The following SAP130 variants were observed in gnomAD, a reference collection of about 807,000 sequenced individuals.
SAP130 encodes histone deacetylase complex subunit SAP130.
In SAP130, 16 loss-of-function variants were observed where a neutral mutation model predicts 103.2. The observed-to-expected ratio is 0.16, with a 90% CI of 0.10 to 0.24. The LOEUF (loss-of-function observed/expected upper bound fraction) is 0.24. Ranked by LOEUF, SAP130 falls within the 10% of genes least tolerant of loss-of-function variation. The pLI, the probability that SAP130 is intolerant of heterozygous loss-of-function variation, is 1.00. For synonymous variants in SAP130, 477 were observed against 497.0 expected (o/e 0.96, Z 0.53); for missense variants, 990 against 1,359.7 (o/e 0.73, Z 4.28).
chr2:128,017,924 G>T lies in SAP130; in HGVS notation c.113-9C>A. On this transcript the variant is annotated splice_polypyrimidine_tract_variant and intron_variant, in intron 2 of 20. Coordinates refer to ENST00000643581, the MANE Select transcript of SAP130 (RefSeq NM_001330301.2). ...ACCAGATTCATCATTGACTAGTAAA[G>T]ACATTAAGAGTGAGACAGTATGTCA... 1 of 1,606,882 alleles carries T rather than the reference G, an allele frequency of 6.2e-7. No homozygotes were observed. The highest frequency in any genetic ancestry group is 1.1e-5 in the South Asian group (1 of 90,830).
intron 9 of SAP130, 93 bp from the exon 10 acceptor site, chr2:127,999,938 TAA>T: frequency 7.0e-7 from 1 of 1,436,388 alleles, no homozygotes; most frequent in Non-Finnish European, 9.6e-7. Flanking sequence ...TGGAAAAAGT[TAA>T]GAGAATTTTT....
At chr2:128,003,728 C>CT (rs111445913) in intron 7 of SAP130, among the ~76,000 whole-genome samples, 44,092 of 151,592 alleles carry the variant, frequency 0.29, 7,278 homozygotes, top group African/African-American at 0.47. Flanking sequence ...AATCTGTTGT[C>CT]TAATCACCAT....
chr2:127,945,256 C>T (rs1202349042), intron 19 of SAP130, among the ~76,000 whole-genome samples, 200 bp downstream of exon 19: 1 of 152,180 alleles, frequency 6.6e-6, no homozygotes, highest in Non-Finnish European at 1.5e-5. Flanking sequence ...GATCTGGATA[C>T]CAGAACTTAG....
At chr2:127,978,131 G>A (rs1055387035) in intron 14 of SAP130, 42 bp from the exon 15 acceptor site, 1 of 1,430,396 alleles carries the variant, frequency 7.0e-7, no homozygotes, top group Non-Finnish European at 9.6e-7. Context: ...AGCAGTCCAA[G>A]GGCATTCAAG....
intron 3 of SAP130, 129 bp downstream of exon 3, chr2:128,017,551 A>C (rs114481094): frequency 1.2e-5 from 9 of 777,382 alleles, no homozygotes; most frequent in African/African-American, 1.7e-5. Flanking sequence ...AAAGGAGCTG[A>C]ACTCATATGT....
Position 127,983,820 on chromosome 2 carries a change from G to GT in SAP130, c.1958+2964dup, listed in dbSNP as rs1455013059. Among the ~76,000 whole-genome samples, 80 of 112,348 alleles carry GT rather than the reference G, an allele frequency of 7.1e-4. 2 individuals carry two copies. The highest frequency in any genetic ancestry group is 2.0e-3 in the African/African-American group (52 of 26,564). The allele number at this position is 112,348 out of a possible 152,430, so 73.7% of individuals were successfully genotyped here. A position where few individuals can be genotyped will look rare whatever the true frequency, so the allele number is the denominator to read the frequency against. On this transcript the variant is annotated intron_variant, in intron 14 of 20. Coordinates refer to ENST00000643581, the MANE Select transcript of SAP130 (RefSeq NM_001330301.2). ...AGTTTTGGTAATTTTCTATTACTTT[G>GT]TTGTTTTTTTTTTTTTTTTTTTTTT... is the stretch of plus-strand genomic sequence containing the variant.
At position 127,962,612 on chromosome 2, in the gene SAP130, G is replaced by A. The variant is rs992633849; in HGVS notation, c.2064-7268C>T. Among the ~76,000 whole-genome samples the A allele has an allele frequency of 1.3e-4, 20 of 151,268 alleles. 1 individual carries two copies. Among genetic ancestry groups the A allele is most frequent in the Admixed American group, 1.3e-3 (19 of 15,070 alleles). On this transcript the variant is annotated intron_variant, in intron 15 of 20. Transcript: ENST00000643581. ...ATGAAACTGGAAACCATCATTCTCA[G>A]CAAACTGTCACAAGGACAAAAAACC... is the stretch of plus-strand genomic sequence containing the variant.
chr2:127,964,864 G>C (rs1475363936), intron 15 of SAP130, among the ~76,000 whole-genome samples: 1 of 151,750 alleles, frequency 6.6e-6, no homozygotes, highest in African/African-American at 2.4e-5. Flanking sequence ...AGGTTTGGTG[G>C]CACACACGCC....
intron 18 of SAP130, among the ~76,000 whole-genome samples, chr2:127,948,759 G>A (rs1292244749): frequency 6.6e-6 from 1 of 152,154 alleles, no homozygotes; most frequent in Non-Finnish European, 1.5e-5. Context: ...AAGGAGGTTA[G>A]TATGAATATA....
rs1683214529 is a variant in SAP130, at chr2:127,996,914, C to G, written c.1214-423G>C. Among the ~76,000 whole-genome samples the G allele has an allele frequency of 6.6e-6, 1 of 152,012 alleles. No homozygotes were observed. Among genetic ancestry groups the G allele is most frequent in the Non-Finnish European group, 1.5e-5 (1 of 68,020 alleles). ...CCTCACTCACAGACTGGGACCCTGT[C>G]TCAAAATAAATAAATAAACACACAA... is the stretch of plus-strand genomic sequence containing the variant. On this transcript the variant is annotated intron_variant, in intron 10 of 20. Coordinates refer to ENST00000643581, the MANE Select transcript of SAP130 (RefSeq NM_001330301.2). This position sits in a 1 kb window ranked among gnomAD's most constrained non-coding sequence, Gnocchi z 4.3.
At chr2:128,021,283 C>T (rs1307279435) in intron 2 of SAP130, among the ~76,000 whole-genome samples, 1 of 150,882 alleles carries the variant, frequency 6.6e-6, no homozygotes, top group Non-Finnish European at 1.5e-5. Context: ...CCTGTCTCTA[C>T]TAAAAATACA....
At chr2:127,984,247 T>A (rs948165778) in intron 14 of SAP130, among the ~76,000 whole-genome samples, 2 of 152,232 alleles carry the variant, frequency 1.3e-5, no homozygotes, top group African/African-American at 4.8e-5. Flanking sequence ...GTTACTGTTT[T>A]GTGGATGCAA....
intron 15 of SAP130, among the ~76,000 whole-genome samples, chr2:127,976,278 C>G (rs576690401): frequency 6.6e-6 from 1 of 152,350 alleles, no homozygotes; most frequent in South Asian, 2.1e-4. Flanking sequence ...CCTTCATACT[C>G]TTCTCAGAGA....
chr2:127,944,130 C>G (rs1221627757), intron 19 of SAP130, among the ~76,000 whole-genome samples: 2 of 152,044 alleles, frequency 1.3e-5, no homozygotes, highest in Non-Finnish European at 2.9e-5. Flanking sequence ...CTTCCGGGCT[C>G]AAGAGTTCCT....
chr2:127,951,981 C>T (rs889701916), intron 16 of SAP130, among the ~76,000 whole-genome samples: 1 of 152,198 alleles, frequency 6.6e-6, no homozygotes, highest in Non-Finnish European at 1.5e-5. Flanking sequence ...TCCCTATATT[C>T]TCCTTCTCTC....
chr2:127,962,342 TA>T (rs1680314213), intron 15 of SAP130, among the ~76,000 whole-genome samples: 1 of 152,176 alleles, frequency 6.6e-6, no homozygotes. Flanking sequence ...GATCTAGAAC[TA>T]GAAATACCAT....
chr2:127,996,261 C>A lies in SAP130; in HGVS notation c.1355+89G>T. The A allele has an allele frequency of 8.4e-7, 1 of 1,184,408 alleles. No homozygotes were observed. Among genetic ancestry groups the A allele is most frequent in the South Asian group, 2.6e-5 (1 of 39,064 alleles). The allele number at this position is 1,184,408 out of a possible 1,614,324, so 73.4% of individuals were successfully genotyped here. A position where few individuals can be genotyped will look rare whatever the true frequency, so the allele number is the denominator to read the frequency against. ...TGAAAACATGAGTAATAAATATAGGCCATATTTGTGGGACACTTTGTTTTA... is the reference window on the plus strand; with the variant it reads ...TGAAAACATGAGTAATAAATATAGGACATATTTGTGGGACACTTTGTTTTA... On this transcript the variant is annotated intron_variant, in intron 11 of 20. Transcript: ENST00000643581. This position sits in a 1 kb window ranked among gnomAD's most constrained non-coding sequence, Gnocchi z 4.3.
chr2:128,024,003 T>C (rs1685329670), intron 2 of SAP130, among the ~76,000 whole-genome samples: 1 of 151,362 alleles, frequency 6.6e-6, no homozygotes, highest in Non-Finnish European at 1.5e-5. Context: ...AATAAGTAAG[T>C]ATATGGAAAG....
At chr2:127,975,615 C>A (rs1553506884) in intron 15 of SAP130, among the ~76,000 whole-genome samples, 1 of 152,136 alleles carries the variant, frequency 6.6e-6, no homozygotes, top group Non-Finnish European at 1.5e-5. Flanking sequence ...TTAGCTGTCA[C>A]ACTGAAAGAA....
Sources: allele counts gnomAD v4.1 joint callset (sites outside exome capture counted in the v4.1 genomes callset), GRCh38; gene constraint gnomAD v4.1.1; non-coding constraint Gnocchi (gnomAD v3.1); transcripts MANE v1.5; gene names NCBI Gene and HGNC (gene_info 2026-07-23, HGNC 2026-07-21).